The following ACACB variants were observed in gnomAD, a reference collection of about 807,000 sequenced individuals.
ACACB encodes the protein acetyl-CoA carboxylase beta.
A neutral mutation model predicts 278.8 loss-of-function variants in ACACB; 209 were observed. That is an observed-to-expected ratio of 0.75 (90% confidence interval 0.67 to 0.84). ACACB has a LOEUF of 0.84. Ranked by LOEUF, ACACB falls within the 40% of genes least tolerant of loss-of-function variation. ACACB has a pLI of 0.00. For synonymous variants in ACACB, 1,174 were observed against 1,285.6 expected, an observed-to-expected ratio of 0.91 and a Z score of 1.86; for missense variants, 2,850 against 3,269.0, an observed-to-expected ratio of 0.87 and a Z score of 3.13.
intron 2 of ACACB, among the ~76,000 whole-genome samples, chr12:109,155,379 A>G (rs1593420173): frequency 6.6e-6 from 1 of 152,196 alleles, no homozygotes; most frequent in East Asian, 1.9e-4. Flanking sequence ...TAGGCATCTC[A>G]GTGCCTGAGT....
At chr12:109,252,622 A>G (rs922695065) in intron 42 of ACACB, 6 of 175,322 alleles carry the variant, frequency 3.4e-5, no homozygotes, top group African/African-American at 1.4e-4. Context: ...CAAAGTCTCA[A>G]AGCCTGGTTC....
At chr12:109,256,306 C>A (rs745436543) in intron 45 of ACACB, 70 bp downstream of exon 45, 74 of 1,130,340 alleles carry the variant, frequency 6.5e-5, no homozygotes, top group Non-Finnish European at 9.2e-5. Context: ...AGGTGTGAGG[C>A]CAGGGACCTC....
In ACACB at chr12:109,222,564, G is replaced by A. The variant is rs774642233; in HGVS notation, c.3622G>A (p.Glu1208Lys). The A allele has an allele frequency of 5.3e-5, 86 of 1,614,072 alleles. No individual in the cohort carries two copies. The Middle Eastern group carries it at 8.3e-4, about 15-fold the overall frequency. The change falls in exon 25 of 53, where the codon GAG (glutamate) becomes AAG (lysine). Residue 1208 changes from glutamate to lysine, a missense_variant. Transcript: ENST00000338432. Reference sequence around the variant, plus strand: ...GGACGAGCTGATCTCCATCCTCAACGAGCTCACTCAGCTGAGCAAAAGCGA... The same window carrying A: ...GGACGAGCTGATCTCCATCCTCAACAAGCTCACTCAGCTGAGCAAAAGCGA... Reference protein sequence around the residue: ...LSDELISILNELTQLSKSEHC... With the variant: ...LSDELISILNKLTQLSKSEHC...
intron 13 of ACACB, 139 bp downstream of exon 13, chr12:109,188,301 A>C (rs1314159556): frequency 1.1e-6 from 1 of 879,076 alleles, no homozygotes; most frequent in Non-Finnish European, 1.6e-6. Flanking sequence ...CCTCCCTCTC[A>C]GCCTTTCTCC....
At chr12:109,219,812 TA>T (rs943205373) in intron 24 of ACACB, among the ~76,000 whole-genome samples, 3 of 152,226 alleles carry the variant, frequency 2.0e-5, no homozygotes, top group Non-Finnish European at 4.4e-5. Flanking sequence ...TTGAAGTTTG[TA>T]AAAATTAATT....
Position 109,246,191 on chromosome 12 carries a change from G to A in ACACB, c.5314G>A (p.Ala1772Thr). The part of the protein sequence containing the change: ...LPGGNEVGMV[A>T]FKMRFKTQEY... ...ATCCCCTTGCCAGGTGGGCATGGTGGCCTTCAAAATGAGGTTTAAGACCCA... is the reference window on the plus strand; with the variant it reads ...ATCCCCTTGCCAGGTGGGCATGGTGACCTTCAAAATGAGGTTTAAGACCCA... The change falls in exon 39 of 53, where the codon GCC becomes ACC. Residue 1772 changes from alanine (A) to threonine (T), a missense_variant. By Grantham distance (58) the Ala-to-Thr change is moderately conservative. Coordinates refer to ENST00000338432, the MANE Select transcript of ACACB (RefSeq NM_001093.4). 6.2e-7 allele frequency: 1 copy of A among 1,610,672 alleles called. No homozygotes were observed.
intron 1 of ACACB, among the ~76,000 whole-genome samples, chr12:109,133,836 CATATATAT>C (rs71443838): frequency 2.2e-5 from 1 of 44,686 alleles, no homozygotes; most frequent in African/African-American, 1.5e-4. Context: ...AATGTGTGTG[CATATATAT>C]ATATATATAT....
chr12:109,138,180 A>G (rs2043014685), intron 1 of ACACB, among the ~76,000 whole-genome samples: 1 of 152,242 alleles, frequency 6.6e-6, no homozygotes, highest in African/African-American at 2.4e-5. Flanking sequence ...CTGGGATTAC[A>G]GGCATGAGCC....
intron 40 of ACACB, chr12:109,249,733 C>G (rs527832758): frequency 3.3e-6 from 1 of 301,210 alleles, no homozygotes; most frequent in Non-Finnish European, 6.1e-6. Context: ...CTCAAGTAAT[C>G]TGCCCGCCTC....
intron 11 of ACACB, among the ~76,000 whole-genome samples, chr12:109,181,493 G>A (rs1326381045): frequency 6.6e-6 from 1 of 152,064 alleles, no homozygotes; most frequent in African/African-American, 2.4e-5. Flanking sequence ...TTCCCAAAGT[G>A]CTAGGATTAC....
chr12:109,167,207 A>C, intron 3 of ACACB: 1 of 599,486 alleles, frequency 1.7e-6, no homozygotes, highest in Admixed American at 3.1e-5. Flanking sequence ...GAAATGAAAT[A>C]AGACAGGTAA....
chr12:109,127,019 G>A (rs138783402), intron 1 of ACACB, among the ~76,000 whole-genome samples: 2 of 152,346 alleles, frequency 1.3e-5, no homozygotes, highest in African/African-American at 2.4e-5. Flanking sequence ...TACTCTAGCA[G>A]TACTGGCTGG....
intron 7 of ACACB, among the ~76,000 whole-genome samples, chr12:109,174,446 A>G (rs1459401713): frequency 1.3e-5 from 2 of 152,214 alleles, no homozygotes; most frequent in African/African-American, 2.4e-5. Flanking sequence ...AAGAAGTACA[A>G]AAAAGAAATG....
intron 28 of ACACB, among the ~76,000 whole-genome samples, chr12:109,228,056 C>T (rs2046365197): frequency 6.8e-6 from 1 of 146,616 alleles, no homozygotes; most frequent in Non-Finnish European, 1.5e-5. Context: ...AAAAAGAGGC[C>T]AAACACAGTA....
upstream of ACACB, among the ~76,000 whole-genome samples, chr12:109,115,155 C>G (rs1371895552): frequency 1.3e-5 from 2 of 152,130 alleles, no homozygotes; most frequent in Non-Finnish European, 2.9e-5. Flanking sequence ...CATGAGCAAG[C>G]CCCTGTGCCA....
In ACACB at chr12:109,266,394, G is replaced by T. The variant is rs762055913; in HGVS notation, c.*32G>T. On this transcript the variant is annotated 3_prime_UTR_variant, in exon 53 of 53. Transcript: ENST00000338432. ...CCCGCCCAGCCACTCCCGGGACCAC[G>T]GCAAAAGGAACCACCCAGACCCACC... is the stretch of plus-strand genomic sequence containing the variant. 1.9e-6 allele frequency: 3 copies of T among 1,578,602 alleles called. No homozygotes were observed. The highest frequency in any genetic ancestry group is 4.5e-5 in the East Asian group (2 of 44,126).
chr12:109,181,258 C>G (rs1463599415), intron 11 of ACACB, among the ~76,000 whole-genome samples: 2 of 134,310 alleles, frequency 1.5e-5, no homozygotes, highest in African/African-American at 5.9e-5. Flanking sequence ...GATGCAGTCT[C>G]GCTCTGTTGC....
chr12:109,192,828 A>T (rs895707343), intron 15 of ACACB, among the ~76,000 whole-genome samples: 1 of 151,798 alleles, frequency 6.6e-6, no homozygotes, highest in African/African-American at 2.4e-5. Flanking sequence ...TGCCTGGCCA[A>T]TTTTTTTAAC....
In ACACB at chr12:109,197,038, C is replaced by T; in HGVS notation, c.2512C>T (p.Leu838Phe). Residue 838 changes from leucine to phenylalanine, a missense_variant, in exon 17 of 53, where the codon CTC (leucine) becomes TTC (phenylalanine). Coordinates refer to ENST00000338432, the MANE Select transcript of ACACB (RefSeq NM_001093.4). ...CCGGCAGTCTCTGACCATGTTCGTT[C>T]TCATCATGAATGGCTGCCACATCGA... is the stretch of plus-strand genomic sequence containing the variant. Reference protein sequence around the residue: ...VARQSLTMFVLIMNGCHIEID... With the variant: ...VARQSLTMFVFIMNGCHIEID... 6.3e-7 allele frequency: 1 copy of T among 1,584,014 alleles called. No homozygotes were observed. The highest frequency in any genetic ancestry group is 1.2e-5 in the South Asian group (1 of 86,162).
Sources: allele counts gnomAD v4.1 joint callset (sites outside exome capture counted in the v4.1 genomes callset), GRCh38; gene constraint gnomAD v4.1.1; transcripts MANE v1.5; gene names NCBI Gene and HGNC (gene_info 2026-07-23, HGNC 2026-07-21).